Variants in FKBP10 observed in about 807,000 individuals in gnomAD.
FKBP10 encodes the protein peptidyl-prolyl cis-trans isomerase FKBP10.
FKBP10 carries 34 observed loss-of-function variants against 53.7 expected under a neutral mutation model. That is an observed-to-expected ratio of 0.63 (90% CI 0.48 to 0.84). The LOEUF is 0.84. Among genes scored for constraint, FKBP10 ranks in the 40% least tolerant of loss-of-function variants. The pLI is 0.00. For missense variants in FKBP10, 748 were observed against 797.8 expected, an observed-to-expected ratio of 0.94 and a Z score of 0.75; for synonymous variants, 324 against 335.7, an observed-to-expected ratio of 0.97 and a Z score of 0.38.
chr17:41,820,218 T>C (rs2047872933), intron 6 of FKBP10, 51 bp from the exon 7 acceptor site: 1 of 1,582,116 alleles, frequency 6.3e-7, no homozygotes, highest in Non-Finnish European at 8.7e-7. Context: ...AGACCTCAAG[T>C]AGCCTCTCCT....
At chr17:41,819,465 C>A (rs2144060570) in intron 5 of FKBP10, 65 bp from the exon 6 acceptor site, 1 of 1,613,890 alleles carries the variant, frequency 6.2e-7, no homozygotes, top group East Asian at 2.2e-5. Context: ...GGGGGTCACT[C>A]TGAGCTGCCT....
intron 1 of FKBP10, among the ~76,000 whole-genome samples, chr17:41,815,370 G>T (rs1354822876): frequency 1.2e-4 from 18 of 151,940 alleles, no homozygotes; most frequent in Non-Finnish European, 1.5e-5. Context: ...TGTTGCTCAG[G>T]CTGGTCACAA....
rs10522999 is a variant in FKBP10 at position 41,821,111 on chromosome 17, CTTTTTTTTTTTT to C, written c.1399+40_1399+51del. 1.5e-4 allele frequency: 84 copies of C among 549,078 alleles called. No individual in the cohort carries two copies. In the African/African-American group the frequency reaches 1.9e-3, roughly 12 times the overall value. 34.0% of individuals were successfully genotyped at this position (549,078 alleles called of 1,614,324 possible). A position where few individuals can be genotyped will look rare whatever the true frequency, so the allele number is the denominator to read the frequency against. ...GGAGGTGAGGGGCTGAGACCATAAT[CTTTTTTTTTTTT>C]TTTTTTTTTTTTTTTTTGAGATGGA... On this transcript the variant is annotated intron_variant, in intron 8 of 9. Transcript: ENST00000321562.
chr17:41,821,695 G>C lies in FKBP10; in HGVS notation c.1441G>C (p.Glu481Gln). Reference sequence around the variant, plus strand: ...CAGTGCTGTGCTGCTGTTTGAGGTGGAGCTGGTGTCCCGGGAGGATGGGCT... The same window carrying C: ...CAGTGCTGTGCTGCTGTTTGAGGTGCAGCTGGTGTCCCGGGAGGATGGGCT... ...PGSAVLLFEV[E>Q]LVSREDGLPT... Residue 481 changes from glutamate to glutamine, a missense_variant, in exon 9 of 10, where the codon GAG becomes CAG. Coordinates refer to ENST00000321562, the MANE Select transcript of FKBP10 (RefSeq NM_021939.4). The C allele has an allele frequency of 6.2e-7, 1 of 1,614,110 alleles. No individual in the cohort carries two copies. The highest frequency in any genetic ancestry group is 8.5e-7 in the Non-Finnish European group (1 of 1,180,004).
chr17:41,822,089 C>T (rs1555617260), intron 9 of FKBP10, 134 bp from the exon 10 acceptor site: 1 of 967,632 alleles, frequency 1.0e-6, no homozygotes, highest in Admixed American at 2.1e-5. Flanking sequence ...CCAGCCCTTC[C>T]TGAGTTACAG....
chr17:41,817,939 T>TAAA, intron 2 of FKBP10, 150 bp from the exon 3 acceptor site: 30 of 707,246 alleles, frequency 4.2e-5, no homozygotes, highest in Non-Finnish European at 6.2e-5. Flanking sequence ...CCCTATCTCT[T>TAAA]AAAAAAAAAA....
chr17:41,817,539 G>A (rs782054751), intron 2 of FKBP10, among the ~76,000 whole-genome samples: 1 of 152,114 alleles, frequency 6.6e-6, no homozygotes, highest in African/African-American at 2.4e-5. Flanking sequence ...GCTCAGGTGG[G>A]AGGATTGCTT....
At chr17:41,815,086 T>G (rs2047797821) in intron 1 of FKBP10, among the ~76,000 whole-genome samples, 1 of 151,822 alleles carries the variant, frequency 6.6e-6, no homozygotes, top group South Asian at 2.1e-4. Context: ...CCCGGCTAAT[T>G]TTTTTGTATT....
Position 41,817,122 on chromosome 17 carries a change from C to CGA in FKBP10, c.312_313dup (p.Gly105GlufsTer55). The CGA allele has an allele frequency of 6.2e-7, 1 of 1,614,096 alleles. No individual in the cohort carries two copies. Among genetic ancestry groups the CGA allele is most frequent in the East Asian group, 2.2e-5 (1 of 44,880 alleles). On this transcript the variant is annotated frameshift_variant, in exon 2 of 10. Coordinates refer to ENST00000321562, the MANE Select transcript of FKBP10 (RefSeq NM_021939.4). LOFTEE classifies it high-confidence loss of function. ...GGGGCGCCTCATCACTGGCATGGAC[C>CGA]GAGGCCTCATGGGCATGTGTGTCAA... is the stretch of plus-strand genomic sequence containing the variant.
At chr17:41,816,942 G>A in intron 1 of FKBP10, 116 bp from the exon 2 acceptor site, 2 of 1,456,082 alleles carry the variant, frequency 1.4e-6, no homozygotes, top group Non-Finnish European at 1.9e-6. Context: ...TCCACACCTG[G>A]CTATAGGGAG....
rs1555616615 is a variant in FKBP10, at chr17:41,819,499, C to G, written c.918-31C>G. The G allele has an allele frequency of 4.3e-6, 7 of 1,613,876 alleles. No individual in the cohort carries two copies. In the Admixed American group the frequency reaches 5.0e-5, roughly 12 times the overall value. On this transcript the variant is annotated intron_variant, in intron 5 of 9. Coordinates refer to ENST00000321562, the MANE Select transcript of FKBP10 (RefSeq NM_021939.4). ...CTGGAAGGGGAGGGCCCCTTTGACT[C>G]CCTTCCTGGCCCTCCCGCCTTGTAT...
chr17:41,821,119 T>A, intron 8 of FKBP10, 30 bp downstream of exon 8: 1 of 1,434,366 alleles, frequency 7.0e-7, no homozygotes, highest in East Asian at 2.6e-5. Context: ...ATCTTTTTTT[T>A]TTTTTTTTTT....
At chr17:41,819,155 A>G (rs1296151975) in intron 4 of FKBP10, 55 bp from the exon 5 acceptor site, 7 of 1,592,896 alleles carry the variant, frequency 4.4e-6, no homozygotes, top group Non-Finnish European at 6.0e-6. Context: ...CTGAGTCAAG[A>G]AGGAGCCTCG....
chr17:41,822,588 C>T lies in FKBP10; in HGVS notation c.*180C>T. ...CACCACCCTAGATGAAAATCCACAG[C>T]ACAGACCTCTACCGTGTTTCTCTTC... On this transcript the variant is annotated 3_prime_UTR_variant, in exon 10 of 10. Coordinates refer to ENST00000321562, the MANE Select transcript of FKBP10 (RefSeq NM_021939.4). The T allele has an allele frequency of 1.4e-6, 1 of 695,062 alleles. No individual in the cohort carries two copies. Among genetic ancestry groups the T allele is most frequent in the Admixed American group, 2.3e-5 (1 of 44,058 alleles). 43.1% of individuals were successfully genotyped at this position (695,062 alleles called of 1,614,324 possible). A position where few individuals can be genotyped will look rare whatever the true frequency, so the allele number is the denominator to read the frequency against.
chr17:41,821,594 A>G, intron 8 of FKBP10, 60 bp from the exon 9 acceptor site: 1 of 1,596,404 alleles, frequency 6.3e-7, no homozygotes, highest in Non-Finnish European at 8.6e-7. Flanking sequence ...GAAACAGTGA[A>G]GCCAGGCCCA....
In FKBP10 at chr17:41,822,454, AG is replaced by A; in HGVS notation, c.*51del. The A allele has an allele frequency of 1.3e-6, 2 of 1,560,802 alleles. No individual in the cohort carries two copies. Among genetic ancestry groups the A allele is most frequent in the Non-Finnish European group, 8.7e-7 (1 of 1,151,754 alleles). On this transcript the variant is annotated 3_prime_UTR_variant, in exon 10 of 10. Coordinates refer to ENST00000321562, the MANE Select transcript of FKBP10 (RefSeq NM_021939.4). The stretch of plus-strand genomic sequence containing the variant: ...GCCTGAGACACAGAGGCCCACTGCG[AG>A]GGGGACAGTGGCGGTGGGACTGACC...
intron 6 of FKBP10, 111 bp downstream of exon 6, chr17:41,819,786 CA>C: frequency 6.5e-7 from 1 of 1,541,980 alleles, no homozygotes; most frequent in Non-Finnish European, 8.8e-7. Context: ...CCTCTCATCA[CA>C]AAAACATGCA....
intron 1 of FKBP10, among the ~76,000 whole-genome samples, chr17:41,815,367 C>A (rs946340029): frequency 5.1e-4 from 78 of 152,158 alleles, no homozygotes; most frequent in African/African-American, 1.8e-3. Context: ...CCATGTTGCT[C>A]AGGCTGGTCA....
chr17:41,820,000 G>C (rs2047869817), intron 6 of FKBP10: 4 of 1,511,176 alleles, frequency 2.6e-6, no homozygotes, highest in Non-Finnish European at 3.6e-6. Flanking sequence ...CCTGTCAAGT[G>C]GGCAAGCCAT....
Sources: gnomAD v4.1 joint callset for allele counts (sites outside exome capture counted in the v4.1 genomes callset) on GRCh38, gnomAD v4.1.1 for gene constraint, MANE v1.5 for transcripts, NCBI Gene and HGNC (gene_info 2026-07-23, HGNC 2026-07-21) for gene names.